ARHGAP23: variants seen among roughly 807,000 people sequenced by gnomAD.
ARHGAP23 encodes the protein rho GTPase-activating protein 23.
In ARHGAP23, 34 loss-of-function variants were observed where a neutral mutation model predicts 136.3. The ratio of observed to expected loss-of-function variants is 0.25; its 90% CI spans 0.19 to 0.33. The LOEUF (loss-of-function observed/expected upper bound fraction) is 0.33. Among genes scored for constraint, ARHGAP23 ranks in the 10% least tolerant of loss-of-function variants. The pLI is 1.00. For missense variants in ARHGAP23, 1,808 were observed against 2,139.0 expected, an observed-to-expected ratio of 0.85 and a Z score of 3.05; for synonymous variants, 832 against 920.5, an observed-to-expected ratio of 0.90 and a Z score of 1.74.
intron 1 of ARHGAP23, among the ~76,000 whole-genome samples, chr17:38,423,217 A>T (rs528801514): frequency 6.7e-6 from 1 of 149,610 alleles, no homozygotes; most frequent in Admixed American, 6.6e-5. Flanking sequence ...TTTTGAGACG[A>T]TGTTCTGCTC....
chr17:38,483,885 C>T (rs914926167), intron 16 of ARHGAP23, among the ~76,000 whole-genome samples: 6 of 152,014 alleles, frequency 3.9e-5, no homozygotes, highest in African/African-American at 1.2e-4. Context: ...CAGCAAGGGC[C>T]GGGGAGGGCT....
chr17:38,493,963 TC>T (rs1305070114), intron 20 of ARHGAP23, among the ~76,000 whole-genome samples: 2 of 152,224 alleles, frequency 1.3e-5, no homozygotes, highest in African/African-American at 4.8e-5. Context: ...ACCTAATGTT[TC>T]TCAGCCTCAG....
upstream of ARHGAP23, among the ~76,000 whole-genome samples, chr17:38,425,961 C>T (rs902884063): frequency 2.6e-5 from 4 of 151,866 alleles, no homozygotes; most frequent in Non-Finnish European, 5.9e-5. Context: ...AGGAATTCGC[C>T]TGCCGGTCAG....
chr17:38,420,624 G>C (rs1470768399), intron 1 of ARHGAP23, among the ~76,000 whole-genome samples: 2 of 152,090 alleles, frequency 1.3e-5, no homozygotes, highest in African/African-American at 2.4e-5. Context: ...GTGACCCTAA[G>C]TTCTGGGGGG....
intron 1 of ARHGAP23, among the ~76,000 whole-genome samples, chr17:38,432,898 G>A (rs1384278602): frequency 6.6e-6 from 1 of 152,130 alleles, no homozygotes; most frequent in African/African-American, 2.4e-5. Flanking sequence ...AATTTTAGAT[G>A]TACTCCTTGT....
intron 1 of ARHGAP23, among the ~76,000 whole-genome samples, chr17:38,447,276 C>T (rs62073432): frequency 0.17 from 26,144 of 151,234 alleles, 3,297 homozygotes; most frequent in African/African-American, 0.36. Flanking sequence ...ACCCCATCTC[C>T]ACTGAAAATA....
At chr17:38,497,736 C>G in intron 20 of ARHGAP23, 49 bp from the exon 21 acceptor site, 2 of 1,533,250 alleles carry the variant, frequency 1.3e-6, no homozygotes, top group Non-Finnish European at 1.8e-6. Context: ...GTGGAAGAGA[C>G]TCTTCTTTCC....
chr17:38,419,503 A>G (rs1597726602), intron 1 of ARHGAP23: 1 of 102,120 alleles, frequency 9.8e-6, no homozygotes, highest in Non-Finnish European at 2.0e-5. Flanking sequence ...GCCGCCACCG[A>G]GGGAGGGGTT....
At chr17:38,432,434 C>A (rs888523098) in intron 1 of ARHGAP23, among the ~76,000 whole-genome samples, 4 of 152,166 alleles carry the variant, frequency 2.6e-5, no homozygotes, top group African/African-American at 9.7e-5. Context: ...AATCCCAGCA[C>A]TTTGGGAGGC....
intron 1 of ARHGAP23, among the ~76,000 whole-genome samples, chr17:38,449,077 C>T (rs1039180058): frequency 6.6e-5 from 10 of 152,126 alleles, no homozygotes; most frequent in African/African-American, 2.2e-4. Context: ...CCTTGGCCTC[C>T]CAGAGTGCTG....
At chr17:38,482,251 A>G in intron 15 of ARHGAP23, 108 bp downstream of exon 15, 2 of 1,492,996 alleles carry the variant, frequency 1.3e-6, no homozygotes, top group South Asian at 1.3e-5. Context: ...TTGTACAAAC[A>G]CAGCTGGGAA....
rs549606137 is a variant in ARHGAP23, at chr17:38,509,418, C to G, written c.3448-526C>G. Among the ~76,000 whole-genome samples the G allele has an allele frequency of 3.9e-5, 6 of 152,074 alleles. No individual in the cohort carries two copies. In the South Asian group the frequency reaches 1.2e-3, roughly 32 times the overall value. On this transcript the variant is annotated intron_variant, in intron 23 of 23. Transcript: ENST00000622683. ...GGAAAGGGGAGGACGTGAACTTGGG[C>G]GGGTTGCCCTGGAGAGGCCTGTAGA...
intron 1 of ARHGAP23, among the ~76,000 whole-genome samples, chr17:38,440,679 C>T (rs939370845): frequency 6.6e-6 from 1 of 152,204 alleles, no homozygotes; most frequent in South Asian, 2.1e-4. Flanking sequence ...AAAGAGGAAC[C>T]GGCTCTGAAG....
At chr17:38,473,694 G>A (rs1482310656) in intron 11 of ARHGAP23, among the ~76,000 whole-genome samples, 4 of 151,458 alleles carry the variant, frequency 2.6e-5, no homozygotes, top group Admixed American at 1.3e-4. Context: ...GCGGGTGGGC[G>A]TGGGTAGGGA....
intron 1 of ARHGAP23, among the ~76,000 whole-genome samples, chr17:38,434,576 G>T (rs543678563): frequency 6.6e-6 from 1 of 152,218 alleles, no homozygotes. Context: ...GAGGTTGGTC[G>T]GAGGTGTGTG....
At chr17:38,447,928 A>G (rs2039071415) in intron 1 of ARHGAP23, among the ~76,000 whole-genome samples, 1 of 152,126 alleles carries the variant, frequency 6.6e-6, no homozygotes, top group Non-Finnish European at 1.5e-5. Flanking sequence ...ACCAAGAGGA[A>G]AGAGGCTCCT....
chr17:38,420,433 G>A (rs1366228590), intron 1 of ARHGAP23, among the ~76,000 whole-genome samples: 3 of 152,182 alleles, frequency 2.0e-5, no homozygotes, highest in African/African-American at 7.2e-5. Flanking sequence ...CAAGTTCTTT[G>A]GGGCTGTTCT....
intron 1 of ARHGAP23, among the ~76,000 whole-genome samples, chr17:38,442,432 T>G (rs1176394745): frequency 5.3e-5 from 8 of 152,218 alleles, no homozygotes; most frequent in Admixed American, 5.2e-4. Flanking sequence ...AGAAACAGTG[T>G]GCAGAGCACC....
At chr17:38,433,404 T>C (rs2038726457) in intron 1 of ARHGAP23, among the ~76,000 whole-genome samples, 1 of 152,128 alleles carries the variant, frequency 6.6e-6, no homozygotes, top group African/African-American at 2.4e-5. Flanking sequence ...ATGAGAACAA[T>C]GCACTTTTGC....
Sources: gnomAD v4.1 joint callset for allele counts (sites outside exome capture counted in the v4.1 genomes callset) on GRCh38, gnomAD v4.1.1 for gene constraint, MANE v1.5 for transcripts, NCBI Gene and HGNC (gene_info 2026-07-23, HGNC 2026-07-21) for gene names.